The following P2RY8 variants were observed in gnomAD, a reference collection of about 807,000 sequenced individuals.
The protein encoded by P2RY8 is S-geranylgeranyl-glutathione receptor P2RY8.
P2RY8 carries 6 observed loss-of-function variants against 10.0 expected under a neutral mutation model. That is an observed-to-expected ratio of 0.60 (90% CI 0.33 to 1.19). The LOEUF is 1.19. P2RY8 is among the 50% of genes most tolerant of loss of function. The pLI, the probability that P2RY8 is intolerant of heterozygous loss-of-function variation, is 0.04. For synonymous variants in P2RY8, 276 were observed against 252.5 expected (o/e 1.09, Z -0.88); for missense variants, 456 against 542.0 (o/e 0.84, Z 1.58).
chrX:1,532,403 T>C (rs866846621), intron 1 of P2RY8, among the ~76,000 whole-genome samples: 7 of 130,650 alleles, frequency 5.4e-5, no homozygotes, highest in Non-Finnish European at 1.3e-4. Context: ...CATATATGTA[T>C]ATATGTATAT....
At chrX:1,536,537 C>T (rs111649022) in intron 1 of P2RY8, among the ~76,000 whole-genome samples, 2,100 of 151,956 alleles carry the variant, frequency 0.014, 74 homozygotes, top group African/African-American at 0.049. Flanking sequence ...GCTGGGATTA[C>T]AGGCACCTGC....
intron 1 of P2RY8, among the ~76,000 whole-genome samples, chrX:1,469,727 T>TA (rs1264800615): frequency 4.6e-5 from 7 of 150,908 alleles, no homozygotes; most frequent in South Asian, 2.1e-4. Flanking sequence ...CCATCTCTAC[T>TA]AAAAAAACAA....
At chrX:1,510,603 C>A (rs1212387551) in intron 1 of P2RY8, among the ~76,000 whole-genome samples, 4 of 152,138 alleles carry the variant, frequency 2.6e-5, no homozygotes, top group African/African-American at 4.8e-5. Flanking sequence ...GACAGCCAGG[C>A]GCAGTGGCTC....
rs1394998161 is a variant in P2RY8 at position 1,535,728 on chromosome X, GAC to G, written c.-25+1191_-25+1192del. On this transcript the variant is annotated intron_variant, in intron 1 of 1. Transcript: ENST00000381297. Reference sequence around the variant, plus strand: ...ACACACACACACAGACACACACACAGACACACACACACACACACACACAAACC... The same window carrying G: ...ACACACACACACAGACACACACACAGACACACACACACACACACACAAACC... Among the ~76,000 whole-genome samples, 75 of 54,900 alleles carry G rather than the reference GAC, an allele frequency of 1.4e-3. 2 individuals carry two copies. The South Asian group carries it at 0.063, about 46-fold the overall frequency. The allele number at this position is 54,900 out of a possible 152,430, so 36.0% of individuals were successfully genotyped here.
intron 1 of P2RY8, among the ~76,000 whole-genome samples, chrX:1,532,125 G>A (rs1281194370): frequency 6.6e-6 from 1 of 151,644 alleles, no homozygotes; most frequent in Non-Finnish European, 1.5e-5. Flanking sequence ...CTCATTATAC[G>A]AAAAAGATAC....
At position 1,466,117 on chromosome X, in the gene P2RY8, A is replaced by T. The variant is rs1288522726; in HGVS notation, c.442T>A (p.Trp148Arg). The change falls in exon 2 of 2, where the codon TGG becomes AGG. Residue 148 changes from tryptophan to arginine, a missense_variant. Coordinates refer to ENST00000381297, the MANE Select transcript of P2RY8 (RefSeq NM_178129.5). Reference sequence around the variant, plus strand: ...GACAGGGCGGTCAGGAGCAGCAGCCAGGTCCCTGCACACGCGGCCACCGCG... The same window carrying T: ...GACAGGGCGGTCAGGAGCAGCAGCCTGGTCCCTGCACACGCGGCCACCGCG... ...RYAVAACAGT[W>R]LLLLTALSPL... is the part of the protein sequence containing the mutation. The T allele has an allele frequency of 6.2e-7, 1 of 1,611,692 alleles. No homozygotes were observed. Among genetic ancestry groups the T allele is most frequent in the Non-Finnish European group, 8.5e-7 (1 of 1,179,534 alleles).
At chrX:1,510,409 C>T (rs1307112441) in intron 1 of P2RY8, among the ~76,000 whole-genome samples, 1 of 152,148 alleles carries the variant, frequency 6.6e-6, no homozygotes, top group Admixed American at 6.6e-5. Flanking sequence ...ACTGGTGAAG[C>T]TCGTCCAGCT....
intron 1 of P2RY8, among the ~76,000 whole-genome samples, chrX:1,484,745 AAAAG>A (rs2091971586): frequency 1.5e-5 from 2 of 134,918 alleles, no homozygotes; most frequent in African/African-American, 5.2e-5. Context: ...AAAAAAAAAA[AAAAG>A]AAGAAGAAGA....
intron 1 of P2RY8, among the ~76,000 whole-genome samples, chrX:1,494,792 T>C (rs2149394073): frequency 6.6e-6 from 1 of 151,964 alleles, no homozygotes; most frequent in South Asian, 2.1e-4. Flanking sequence ...TGTCACTTCC[T>C]CCTCCCAGGT....
chrX:1,513,643 C>T (rs1282183110), intron 1 of P2RY8, among the ~76,000 whole-genome samples: 2 of 151,736 alleles, frequency 1.3e-5, no homozygotes, highest in Non-Finnish European at 2.9e-5. Flanking sequence ...TCTGCAAAGA[C>T]CCTATTTCCA....
intron 1 of P2RY8, among the ~76,000 whole-genome samples, chrX:1,493,213 G>A (rs761199583): frequency 1.7e-3 from 261 of 149,876 alleles, no homozygotes; most frequent in Middle Eastern, 3.4e-3. Flanking sequence ...ACTTGAACCC[G>A]GGAGGCGGAG....
chrX:1,476,312 C>T (rs1481765710), intron 1 of P2RY8, among the ~76,000 whole-genome samples: 3 of 151,976 alleles, frequency 2.0e-5, no homozygotes. Flanking sequence ...CACGGTGGCT[C>T]ATGTCTGTAA....
Position 1,465,321 on chromosome X carries a change from C to A in P2RY8, c.*158G>T. 8.0e-7 allele frequency: 1 copy of A among 1,253,620 alleles called. No individual in the cohort carries two copies. The highest frequency in any genetic ancestry group is 1.1e-6 in the Non-Finnish European group (1 of 927,028). The allele number at this position is 1,253,620 out of a possible 1,614,324, so 77.7% of individuals were successfully genotyped here. On this transcript the variant is annotated 3_prime_UTR_variant, in exon 2 of 2. Coordinates refer to ENST00000381297, the MANE Select transcript of P2RY8 (RefSeq NM_178129.5). ...TTCCTCACCGGTGCCTCTGCAGTGC[C>A]TGGGAGGAATAAAGCCTGGAGACCC...
intron 1 of P2RY8, among the ~76,000 whole-genome samples, chrX:1,502,723 T>G (rs1200045578): frequency 6.6e-6 from 1 of 152,206 alleles, no homozygotes; most frequent in Non-Finnish European, 1.5e-5. Flanking sequence ...AATCCTGCAT[T>G]GTCTGGGTGG....
intron 1 of P2RY8, among the ~76,000 whole-genome samples, chrX:1,470,202 TAAAC>T (rs369908903): frequency 1.4e-5 from 2 of 144,094 alleles, no homozygotes; most frequent in East Asian, 2.1e-4. Context: ...TTACTAAAAT[TAAAC>T]AAACAAACAA....
chrX:1,472,423 C>T (rs1206926981), intron 1 of P2RY8, among the ~76,000 whole-genome samples: 1 of 116,684 alleles, frequency 8.6e-6, no homozygotes, highest in African/African-American at 3.3e-5. Flanking sequence ...TGAATGGGTA[C>T]ATGGGTGGGT....
chrX:1,480,669 C>T (rs1430599419), intron 1 of P2RY8, among the ~76,000 whole-genome samples: 5 of 151,820 alleles, frequency 3.3e-5, no homozygotes, highest in South Asian at 2.1e-4. Flanking sequence ...CAGGGCCTGT[C>T]GGGGGGTGAG....
rs200123744 is a variant in P2RY8, at chrX:1,466,161, C to A, written c.398G>T (p.Arg133Leu). 2.5e-6 allele frequency: 4 copies of A among 1,611,986 alleles called. No homozygotes were observed. The highest frequency in any genetic ancestry group is 2.2e-5 in the South Asian group (2 of 90,900). ...LGVLYPLSSK[R>L]WRRRRYAVAA... ...CACCGCGTAACGACGGCGGCGCCAG[C>A]GCTTGGAGCTGAGCGGGTACAGGAC... Residue 133 changes from arginine (R) to leucine (L), a missense_variant, in exon 2 of 2, where the codon CGC becomes CTC. Coordinates refer to ENST00000381297, the MANE Select transcript of P2RY8 (RefSeq NM_178129.5).
intron 1 of P2RY8, among the ~76,000 whole-genome samples, chrX:1,507,663 C>T (rs751433025): frequency 1.6e-4 from 25 of 152,238 alleles, no homozygotes; most frequent in Admixed American, 3.9e-4. Flanking sequence ...CTCCTGTTGG[C>T]GACGCGCGAT....
Sources: allele counts gnomAD v4.1 joint callset (sites outside exome capture counted in the v4.1 genomes callset), GRCh38; gene constraint gnomAD v4.1.1; transcripts MANE v1.5; gene names NCBI Gene and HGNC (gene_info 2026-07-23, HGNC 2026-07-21).